Variants in SGK2 observed in about 807,000 individuals in gnomAD.
The protein encoded by SGK2 is serine/threonine-protein kinase Sgk2.
SGK2 carries 36 observed loss-of-function variants against 47.5 expected under a neutral mutation model. That is an observed-to-expected ratio of 0.76 (90% CI 0.58 to 1.00). The LOEUF (loss-of-function observed/expected upper bound fraction) is 1.00, where lower values mean the gene tolerates loss of function less well. Ranked by LOEUF, SGK2 falls within the 50% of genes least tolerant of loss-of-function variation. The pLI is 0.00. For synonymous variants in SGK2, 157 were observed against 181.9 expected, an observed-to-expected ratio of 0.86 and a Z score of 1.10; for missense variants, 404 against 467.4, an observed-to-expected ratio of 0.86 and a Z score of 1.25.
At chr20:43,560,498 C>CA (rs5841509) in intron 1 of SGK2, among the ~76,000 whole-genome samples, 1,588 of 117,802 alleles carry the variant, frequency 0.013, 17 homozygotes, top group African/African-American at 0.028. Context: ...GACTCCATCT[C>CA]AAAAAAAAAA....
In SGK2 at chr20:43,570,010, T is replaced by C. The variant is rs149588253; in HGVS notation, c.360+494T>C. 2.0e-4 allele frequency among the ~76,000 whole-genome samples: 30 copies of C among 152,308 alleles called. No homozygotes were observed. The East Asian group carries it at 5.8e-3, about 29-fold the overall frequency. On this transcript the variant is annotated intron_variant, in intron 6 of 12. Coordinates refer to ENST00000373100, the MANE Select transcript of SGK2 (RefSeq NM_170693.3). ...CAAAATGTAGTGGAGCTCCAGTCAG[T>C]GACCCCAGATTTAACCTGCGTGATC... is the stretch of plus-strand genomic sequence containing the variant.
chr20:43,566,114 G>T (rs1979691039), intron 1 of SGK2: 1 of 500,646 alleles, frequency 2.0e-6, no homozygotes, highest in South Asian at 4.1e-5. Flanking sequence ...CAGACTTTAT[G>T]CCCTGAAAAG....
At chr20:43,565,557 C>A (rs773469183) in intron 1 of SGK2, among the ~76,000 whole-genome samples, 1 of 152,184 alleles carries the variant, frequency 6.6e-6, no homozygotes, top group Non-Finnish European at 1.5e-5. Context: ...CCAGGACCCC[C>A]CCTTGTAAAG....
At chr20:43,570,874 C>T in intron 7 of SGK2, 145 bp downstream of exon 7, 1 of 1,355,490 alleles carries the variant, frequency 7.4e-7, no homozygotes, top group South Asian at 1.3e-5. Flanking sequence ...CTCCGAGGTC[C>T]AAGTGCCCAG....
At position 43,584,897 on chromosome 20, in the gene SGK2, G is replaced by A; in HGVS notation, c.985G>A (p.Glu329Lys). Residue 329 changes from glutamate to lysine, a missense_variant, in exon 13 of 13, where the codon GAA becomes AAA. By Grantham distance (56) the Glu-to-Lys change is moderately conservative (BLOSUM62 1). Coordinates refer to ENST00000373100, the MANE Select transcript of SGK2 (RefSeq NM_170693.3). ...LKHFDPEFTQ[E>K]AVSKSIGCTP... is the part of the protein sequence containing the mutation. ...GCATTTTGACCCAGAGTTCACCCAG[G>A]AAGCTGTGTCCAAGTCCATTGGCTG... 1 of 1,614,096 alleles carries A rather than the reference G, an allele frequency of 6.2e-7. No homozygotes were observed. Among genetic ancestry groups the A allele is most frequent in the South Asian group, 1.1e-5 (1 of 91,078 alleles).
rs979668972 is a variant in SGK2 at position 43,572,043 on chromosome 20, A to T, written c.511-8A>T. The T allele has an allele frequency of 1.7e-5, 26 of 1,546,672 alleles. No homozygotes were observed. Among genetic ancestry groups the T allele is most frequent in the Non-Finnish European group, 2.3e-5 (26 of 1,144,268 alleles). ...CACCCTCCAGCCCATGCCCTCCGTCATTCTCAGGGACACGTGGTGCTGACG... is the reference window on the plus strand; with the variant it reads ...CACCCTCCAGCCCATGCCCTCCGTCTTTCTCAGGGACACGTGGTGCTGACG... On this transcript the variant is annotated splice_polypyrimidine_tract_variant and splice_region_variant and intron_variant, in intron 8 of 12. Transcript: ENST00000373100. The surrounding 1 kb of genome is among the most constrained non-coding windows in gnomAD (Gnocchi z 4.2).
chr20:43,570,138 G>C lies in SGK2; in HGVS notation c.361-479G>C, dbSNP rs565546699. ...ATAGTCCAAAAACATTGGCCCATGG[G>C]TGGATCTAACCTGAGCTCAGTCTGA... On this transcript the variant is annotated intron_variant, in intron 6 of 12. Transcript: ENST00000373100. Among the ~76,000 whole-genome samples the C allele has an allele frequency of 2.0e-5, 3 of 152,302 alleles. No individual in the cohort carries two copies. In the South Asian group the frequency reaches 6.2e-4, roughly 32 times the overall value.
chr20:43,584,817 G>T (rs760819967), intron 12 of SGK2, 35 bp from the exon 13 acceptor site: 7 of 1,595,664 alleles, frequency 4.4e-6, no homozygotes, highest in Non-Finnish European at 6.0e-6. Context: ...CTCTGACCCC[G>T]GTGTTTTCTT....
chr20:43,578,408 C>T (rs2145555467), intron 11 of SGK2, among the ~76,000 whole-genome samples: 1 of 152,122 alleles, frequency 6.6e-6, no homozygotes, highest in South Asian at 2.1e-4. Flanking sequence ...TTGCTTGAAC[C>T]TGGGGGTGGG....
At chr20:43,560,827 C>G (rs1458259956) in intron 1 of SGK2, among the ~76,000 whole-genome samples, 1 of 152,196 alleles carries the variant, frequency 6.6e-6, no homozygotes, top group Non-Finnish European at 1.5e-5. Context: ...TGGGCATCTA[C>G]TATATTCCAG....
In SGK2 at chr20:43,583,597, C is replaced by T. The variant is rs902955222; in HGVS notation, c.940-1255C>T. 9 of 985,324 alleles carry T rather than the reference C, an allele frequency of 9.1e-6. No homozygotes were observed. The African/African-American group carries it at 1.6e-4, about 17-fold the overall frequency. 61.0% of individuals were successfully genotyped at this position (985,324 alleles called of 1,614,324 possible). ...CCTCACCTGCTTACTTCATAAAACC[C>T]AGGCCTCCTCCACAGAGAGACTGTA... On this transcript the variant is annotated intron_variant, in intron 12 of 12. Coordinates refer to ENST00000373100, the MANE Select transcript of SGK2 (RefSeq NM_170693.3).
In SGK2 at chr20:43,569,427, G is replaced by T; in HGVS notation, c.271G>T (p.Val91Leu). The T allele has an allele frequency of 1.9e-6, 3 of 1,613,950 alleles. No homozygotes were observed. The highest frequency in any genetic ancestry group is 2.5e-6 in the Non-Finnish European group (3 of 1,180,020). The change falls in exon 6 of 13, where the codon GTG (valine) becomes TTG (leucine). Residue 91 changes from valine (V) to leucine (L), a missense_variant. Val to Leu is a conservative substitution (Grantham distance 32). Transcript: ENST00000373100. Reference protein sequence around the residue: ...MAERSVLLKNVRHPFLVGLRY... With the variant: ...MAERSVLLKNLRHPFLVGLRY... ...AGAGCGCAGTGTGCTTCTGAAGAACGTGCGGCACCCCTTCCTCGTGGGCCT... is the reference window on the plus strand; with the variant it reads ...AGAGCGCAGTGTGCTTCTGAAGAACTTGCGGCACCCCTTCCTCGTGGGCCT...
chr20:43,576,794 T>A (rs1446059790), intron 11 of SGK2, among the ~76,000 whole-genome samples: 1 of 152,128 alleles, frequency 6.6e-6, no homozygotes, highest in African/African-American at 2.4e-5. Context: ...TACCAAAAAT[T>A]AGCTGGGCAT....
At chr20:43,564,815 G>A (rs550460222) in intron 1 of SGK2, 3 of 152,694 alleles carry the variant, frequency 2.0e-5, no homozygotes, top group Admixed American at 2.0e-4. Context: ...TACAAATGTG[G>A]TCACACTGAC....
At chr20:43,576,072 G>C in intron 10 of SGK2, 152 bp from the exon 11 acceptor site, 1 of 834,472 alleles carries the variant, frequency 1.2e-6, no homozygotes, top group Non-Finnish European at 1.9e-6. Flanking sequence ...CGGAAGCCTG[G>C]AGTCCTGTCT....
intron 12 of SGK2, chr20:43,583,293 A>T (rs1160774803): frequency 7.8e-7 from 1 of 1,289,544 alleles, no homozygotes; most frequent in Non-Finnish European, 1.0e-6. Context: ...ATGGAATACT[A>T]GGCAGAGATG....
intron 11 of SGK2, among the ~76,000 whole-genome samples, chr20:43,576,678 G>A (rs766937368): frequency 5.3e-5 from 8 of 152,230 alleles, no homozygotes; most frequent in Non-Finnish European, 1.2e-4. Flanking sequence ...CGGCATACAC[G>A]CCTGTAATCC....
At chr20:43,583,329 G>A (rs777207313) in intron 12 of SGK2, 30 of 1,282,398 alleles carry the variant, frequency 2.3e-5, no homozygotes, top group African/African-American at 1.8e-4. Context: ...GAGACACTCC[G>A]GAGCTGGATT....
chr20:43,581,029 C>T (rs1601001609), intron 12 of SGK2, among the ~76,000 whole-genome samples: 2 of 152,104 alleles, frequency 1.3e-5, no homozygotes, highest in Middle Eastern at 3.4e-3. Flanking sequence ...GCGCCCACCA[C>T]CATGCCCGGC....
Sources: allele counts gnomAD v4.1 joint callset (sites outside exome capture counted in the v4.1 genomes callset), GRCh38; gene constraint gnomAD v4.1.1; non-coding constraint Gnocchi (gnomAD v3.1); transcripts MANE v1.5; gene names NCBI Gene and HGNC (gene_info 2026-07-23, HGNC 2026-07-21).